PCSK5: variants seen among roughly 807,000 people sequenced by gnomAD.
The protein encoded by PCSK5 is prohormone convertase 5.
In PCSK5, 129 loss-of-function variants were observed where a neutral mutation model predicts 233.2. The observed-to-expected ratio is 0.55, with a 90% CI of 0.48 to 0.64. The LOEUF (loss-of-function observed/expected upper bound fraction) is 0.64. Ranked by LOEUF, PCSK5 falls within the 30% of genes least tolerant of loss-of-function variation. The pLI, the probability that PCSK5 is intolerant of heterozygous loss-of-function variation, is 0.00. For synonymous variants in PCSK5, 825 were observed against 879.2 expected (o/e 0.94, Z 1.09); for missense variants, 2,076 against 2,430.1 (o/e 0.85, Z 3.06).
chr9:75,976,320 AC>A (rs1167917169), intron 2 of PCSK5, among the ~76,000 whole-genome samples: 1 of 124,372 alleles, frequency 8.0e-6, no homozygotes, highest in African/African-American at 2.8e-5. Context: ...ACACACACAC[AC>A]ACCTTTTTCT....
chr9:76,276,094 C>T (rs921045777), intron 24 of PCSK5, among the ~76,000 whole-genome samples: 1 of 152,178 alleles, frequency 6.6e-6, no homozygotes, highest in African/African-American at 2.4e-5. Flanking sequence ...TCACCCCACA[C>T]ATCTTATCAT....
At chr9:76,248,218 C>T (rs1013612987) in intron 24 of PCSK5, among the ~76,000 whole-genome samples, 1 of 152,192 alleles carries the variant, frequency 6.6e-6, no homozygotes, top group Non-Finnish European at 1.5e-5. Flanking sequence ...GCATGATCTA[C>T]CGCACCCAAC....
intron 1 of PCSK5, among the ~76,000 whole-genome samples, chr9:75,920,817 AAAAAT>A (rs912505437): frequency 3.3e-5 from 5 of 152,152 alleles, no homozygotes; most frequent in African/African-American, 9.7e-5. Context: ...AAAAAAATTA[AAAAAT>A]AAAATAAAAA....
At chr9:76,038,893 T>A (rs1391851422) in intron 5 of PCSK5, among the ~76,000 whole-genome samples, 1 of 152,198 alleles carries the variant, frequency 6.6e-6, no homozygotes, top group Non-Finnish European at 1.5e-5. Flanking sequence ...AATTCTTCCA[T>A]AGGTTGATTT....
chr9:75,988,574 G>A (rs1242531334), intron 3 of PCSK5, among the ~76,000 whole-genome samples: 1 of 152,084 alleles, frequency 6.6e-6, no homozygotes, highest in Non-Finnish European at 1.5e-5. Flanking sequence ...ATGCCACCGT[G>A]CTTGGCTAAC....
At chr9:76,182,313 AT>A (rs142767480) in intron 16 of PCSK5, among the ~76,000 whole-genome samples, 2,043 of 152,292 alleles carry the variant, frequency 0.013, 42 homozygotes, top group African/African-American at 0.046. Context: ...AGTTCAAAAA[AT>A]ATGACTGTCT....
chr9:76,120,791 G>C (rs989347468), intron 9 of PCSK5, among the ~76,000 whole-genome samples: 1 of 151,742 alleles, frequency 6.6e-6, no homozygotes, highest in Non-Finnish European at 1.5e-5. Flanking sequence ...GTCATTATAA[G>C]TTCAGATTTT....
At chr9:75,909,795 T>C (rs529838741) in intron 1 of PCSK5, among the ~76,000 whole-genome samples, 2 of 152,348 alleles carry the variant, frequency 1.3e-5, no homozygotes, top group East Asian at 3.9e-4. Flanking sequence ...TTGTTAGTAC[T>C]GTCCACTGAA....
chr9:76,182,716 A>G (rs1170067941), intron 16 of PCSK5, among the ~76,000 whole-genome samples: 1 of 152,172 alleles, frequency 6.6e-6, no homozygotes, highest in South Asian at 2.1e-4. Flanking sequence ...AAAGGACTGC[A>G]GTTATCTTTT....
intron 17 of PCSK5, 133 bp from the exon 18 acceptor site, chr9:76,188,445 C>T (rs1210423919): frequency 1.6e-6 from 1 of 614,430 alleles, no homozygotes; most frequent in African/African-American, 1.9e-5. Context: ...GGCTATTTCC[C>T]CGGCTTTGAA....
intron 24 of PCSK5, among the ~76,000 whole-genome samples, chr9:76,254,490 T>C (rs1255524520): frequency 1.3e-5 from 2 of 151,068 alleles, no homozygotes; most frequent in Admixed American, 6.6e-5. Flanking sequence ...AAAAAAAAGA[T>C]GAAATTTCCC....
chr9:75,891,456 CT>C, intron 1 of PCSK5, 83 bp downstream of exon 1: 2 of 1,145,230 alleles, frequency 1.7e-6, no homozygotes, highest in African/African-American at 1.6e-5. Flanking sequence ...CCCCCTCCCC[CT>C]CTTCCAGATG....
Position 76,212,193 on chromosome 9 carries a change from T to C in PCSK5, c.2627-15310T>C, listed in dbSNP as rs149686307. Among the ~76,000 whole-genome samples the C allele has an allele frequency of 1.1e-3, 173 of 152,278 alleles. 2 individuals carry two copies. Among genetic ancestry groups the C allele is most frequent in the South Asian group, 9.4e-3 (45 of 4,812 alleles). On this transcript the variant is annotated intron_variant, in intron 20 of 37. Transcript: ENST00000674117. ...ACAGGATGGCCCCTCTGAAGGAATG[T>C]GTAGGTGATGACATTTCTTTCATCA...
chr9:75,953,628 G>A (rs111258290), intron 2 of PCSK5, among the ~76,000 whole-genome samples: 8 of 147,680 alleles, frequency 5.4e-5, no homozygotes, highest in African/African-American at 1.7e-4. Context: ...TTTTATTGGC[G>A]TGCATATGTG....
At chr9:76,215,377 A>G (rs1427171892) in intron 20 of PCSK5, among the ~76,000 whole-genome samples, 2 of 152,192 alleles carry the variant, frequency 1.3e-5, no homozygotes, top group African/African-American at 4.8e-5. Context: ...TCGAGTTTCC[A>G]GGGAAAGGCA....
At chr9:76,213,100 C>A (rs898810114) in intron 20 of PCSK5, among the ~76,000 whole-genome samples, 1 of 152,170 alleles carries the variant, frequency 6.6e-6, no homozygotes, top group Non-Finnish European at 1.5e-5. Context: ...AGTGACTAAG[C>A]CCCACGGGGT....
chr9:76,328,251 C>G lies in PCSK5; in HGVS notation c.4570+12C>G, dbSNP rs546594849. ...CAGCCTTCTTCTCAGTGAGTTACTT[C>G]TCCGAGGACAGCTTTGTGTTTCCAT... On this transcript the variant is annotated intron_variant, in intron 33 of 37. Transcript: ENST00000674117. 2 of 1,575,172 alleles carry G rather than the reference C, an allele frequency of 1.3e-6. No individual in the cohort carries two copies. The highest frequency in any genetic ancestry group is 2.7e-5 in the African/African-American group (2 of 74,328).
intron 10 of PCSK5, among the ~76,000 whole-genome samples, chr9:76,148,079 A>G (rs1823516206): frequency 6.6e-6 from 1 of 151,572 alleles, no homozygotes. Context: ...TCTTGTTTCT[A>G]CTTTTATTGT....
At chr9:76,081,199 A>G (rs1830821031) in intron 7 of PCSK5, among the ~76,000 whole-genome samples, 1 of 152,188 alleles carries the variant, frequency 6.6e-6, no homozygotes, top group South Asian at 2.1e-4. Flanking sequence ...CTCGCCTGTA[A>G]TCCCAGCACT....
Sources: gnomAD v4.1 joint callset for allele counts (sites outside exome capture counted in the v4.1 genomes callset) on GRCh38, gnomAD v4.1.1 for gene constraint, MANE v1.5 for transcripts, NCBI Gene and HGNC (gene_info 2026-07-23, HGNC 2026-07-21) for gene names.